Variants in EFCAB6 observed in about 807,000 individuals in gnomAD.
The protein encoded by EFCAB6 is EF-hand calcium binding domain 6, also known as EF-hand calcium-binding domain-containing protein 6.
A neutral mutation model predicts 169.8 loss-of-function variants in EFCAB6; 156 were observed. The observed-to-expected ratio is 0.92, with a 90% CI of 0.81 to 1.05. The LOEUF (loss-of-function observed/expected upper bound fraction) is 1.05. Ranked by LOEUF, EFCAB6 falls within the 50% of genes least tolerant of loss-of-function variation. EFCAB6 has a pLI of 0.00. For synonymous variants in EFCAB6, 698 were observed against 676.4 expected (o/e 1.03, Z -0.50); for missense variants, 1,800 against 1,829.1 (o/e 0.98, Z 0.29).
chr22:43,599,147 G>A (rs971818124), intron 23 of EFCAB6, among the ~76,000 whole-genome samples: 4 of 152,100 alleles, frequency 2.6e-5, no homozygotes, highest in Admixed American at 1.3e-4. Flanking sequence ...CACAGTGGCC[G>A]CAGCAGGCAT....
chr22:43,686,131 G>A (rs1190553009), intron 11 of EFCAB6, among the ~76,000 whole-genome samples: 1 of 151,964 alleles, frequency 6.6e-6, no homozygotes, highest in African/African-American at 2.4e-5. Flanking sequence ...ACAGGCTTGC[G>A]CCACCACGCC....
At chr22:43,765,432 T>G in intron 4 of EFCAB6, 39 bp from the exon 5 acceptor site, 1 of 1,518,208 alleles carries the variant, frequency 6.6e-7, no homozygotes, top group Non-Finnish European at 9.1e-7. Flanking sequence ...TGTTAGAGAA[T>G]TAAGATCCAA....
At chr22:43,613,193 TAATATATTTGTTATAGA>T (rs1273985626) in intron 21 of EFCAB6, among the ~76,000 whole-genome samples, 1 of 148,090 alleles carries the variant, frequency 6.8e-6, no homozygotes, top group East Asian at 1.9e-4. Flanking sequence ...ACATATATAT[TAATATATTTGTTATAGA>T]AATATATTTG....
At position 43,534,850 on chromosome 22, in the gene EFCAB6, C is replaced by T. The variant is rs758139064; in HGVS notation, c.4071G>A (p.Leu1357=). Residue 1357 remains leucine (L), a synonymous_variant, in exon 30 of 32, where the codon CTG becomes CTA. Coordinates refer to ENST00000262726, the MANE Select transcript of EFCAB6 (RefSeq NM_022785.4). The part of the protein sequence containing the change: ...DFLALVEKFN[L]DISKEECQQL... ...GCTGACACTCCTCTTTGCTTATGTC[C>T]AGGTTGAATTTCTCCACAAGAGCTA... 1.9e-6 allele frequency: 3 copies of T among 1,603,838 alleles called. No homozygotes were observed. The South Asian group carries it at 3.4e-5, about 18-fold the overall frequency.
Position 43,567,117 on chromosome 22 carries a change from C to T in EFCAB6, c.3420+9180G>A, listed in dbSNP as rs549565393. Among the ~76,000 whole-genome samples, 139 of 133,014 alleles carry T rather than the reference C, an allele frequency of 1.0e-3. 1 individual carries two copies. Among genetic ancestry groups the T allele is most frequent in the Non-Finnish European group, 2.0e-3 (119 of 60,180 alleles). 87.3% of individuals were successfully genotyped at this position (133,014 alleles called of 152,430 possible). On this transcript the variant is annotated intron_variant, in intron 26 of 31. Coordinates refer to ENST00000262726, the MANE Select transcript of EFCAB6 (RefSeq NM_022785.4). ...CTCAGAGTTAGGTCATCCTCCTCCT[C>T]ATCATCCTCCTCGTCCTCCTCATCA...
chr22:43,565,818 C>T (rs915773014), intron 26 of EFCAB6, among the ~76,000 whole-genome samples: 1 of 151,884 alleles, frequency 6.6e-6, no homozygotes, highest in South Asian at 2.1e-4. Context: ...GCAAAAACTC[C>T]TAATTAGAAA....
chr22:43,685,882 T>C (rs1345120435), intron 11 of EFCAB6, among the ~76,000 whole-genome samples: 4 of 152,246 alleles, frequency 2.6e-5, no homozygotes, highest in Non-Finnish European at 1.5e-5. Context: ...ATGTGTCATT[T>C]TTGCCTATTT....
At position 43,581,813 on chromosome 22, in the gene EFCAB6, C is replaced by T. The variant is rs566910800; in HGVS notation, c.3033-1154G>A. On this transcript the variant is annotated intron_variant, in intron 24 of 31. Coordinates refer to ENST00000262726, the MANE Select transcript of EFCAB6 (RefSeq NM_022785.4). Reference sequence around the variant, plus strand: ...TTGCACAGGCTCTGCGTCGGGTCGGCTTGCATGATGGAGACACCAAGGAAA... The same window carrying T: ...TTGCACAGGCTCTGCGTCGGGTCGGTTTGCATGATGGAGACACCAAGGAAA... Among the ~76,000 whole-genome samples, 3 of 152,316 alleles carry T rather than the reference C, an allele frequency of 2.0e-5. No homozygotes were observed. The East Asian group carries it at 5.8e-4, about 29-fold the overall frequency.
chr22:43,745,316 C>A (rs1355312161), intron 6 of EFCAB6, among the ~76,000 whole-genome samples: 1 of 152,206 alleles, frequency 6.6e-6, no homozygotes, highest in Non-Finnish European at 1.5e-5. Context: ...GAAAACAATC[C>A]CTCTGGAGGC....
chr22:43,704,555 A>G lies in EFCAB6; in HGVS notation c.1031+6920T>C, dbSNP rs535730611. On this transcript the variant is annotated intron_variant, in intron 10 of 31. Coordinates refer to ENST00000262726, the MANE Select transcript of EFCAB6 (RefSeq NM_022785.4). ...GAATTTAAAAGACAGAACTATTAAT[A>G]ACAACTATAATTAGAATAAATTGTC... Among the ~76,000 whole-genome samples the G allele has an allele frequency of 3.3e-5, 5 of 152,350 alleles. No individual in the cohort carries two copies. In the South Asian group the frequency reaches 8.3e-4, roughly 25 times the overall value.
intron 7 of EFCAB6, among the ~76,000 whole-genome samples, chr22:43,735,187 T>C (rs1209303945): frequency 3.9e-5 from 6 of 152,080 alleles, no homozygotes; most frequent in Non-Finnish European, 8.8e-5. Context: ...GTGGAGTTTA[T>C]AGGAGGCTCA....
intron 10 of EFCAB6, among the ~76,000 whole-genome samples, chr22:43,710,781 T>TCC (rs58498665): frequency 1.3e-5 from 2 of 151,912 alleles, no homozygotes; most frequent in African/African-American, 4.8e-5. Flanking sequence ...AGTATTTTTG[T>TCC]CCCCCCCACT....
chr22:43,732,465 C>CTTTT (rs5845617), intron 7 of EFCAB6, among the ~76,000 whole-genome samples: 5 of 119,208 alleles, frequency 4.2e-5, no homozygotes, highest in African/African-American at 6.5e-5. Context: ...TACTGAAATA[C>CTTTT]TTTTTTTTTT....
At chr22:43,690,908 T>C (rs2058390277) in intron 10 of EFCAB6, among the ~76,000 whole-genome samples, 1 of 152,036 alleles carries the variant, frequency 6.6e-6, no homozygotes, top group Non-Finnish European at 1.5e-5. Context: ...CCAGTGCTGT[T>C]TTCCCTATTA....
chr22:43,623,473 T>C (rs2054247520), intron 20 of EFCAB6, among the ~76,000 whole-genome samples: 1 of 151,766 alleles, frequency 6.6e-6, no homozygotes, highest in African/African-American at 2.4e-5. Flanking sequence ...AACAAGAGAG[T>C]GTCCTCTTTT....
intron 2 of EFCAB6, among the ~76,000 whole-genome samples, chr22:43,788,033 A>C (rs9968041): frequency 0.15 from 23,534 of 152,140 alleles, 1,873 homozygotes; most frequent in South Asian, 0.22. Flanking sequence ...GAACAGCGCC[A>C]AAGAGTGAAG....
At chr22:43,574,303 A>C (rs1035368906) in intron 26 of EFCAB6, among the ~76,000 whole-genome samples, 1 of 152,164 alleles carries the variant, frequency 6.6e-6, no homozygotes, top group African/African-American at 2.4e-5. Context: ...CATGTAAAAA[A>C]ATGCGTTAGA....
chr22:43,651,794 G>A lies in EFCAB6; in HGVS notation c.1983+15310C>T, dbSNP rs2056481999. On this transcript the variant is annotated intron_variant, in intron 17 of 31. Transcript: ENST00000262726. ...GGATGTGAGACATGGAGTCAAAGGA[G>A]ATCATTTTAGAGCTTTAAGATTTGA... 2.0e-5 allele frequency among the ~76,000 whole-genome samples: 3 copies of A among 152,322 alleles called. No individual in the cohort carries two copies. The South Asian group carries it at 6.2e-4, about 32-fold the overall frequency.
At chr22:43,658,612 G>C (rs1158693869) in intron 17 of EFCAB6, among the ~76,000 whole-genome samples, 11 of 152,212 alleles carry the variant, frequency 7.2e-5, no homozygotes, top group Admixed American at 6.5e-5. Flanking sequence ...GAGAGCCCTA[G>C]AGGAGGGGTC....
Sources: gnomAD v4.1 joint callset for allele counts (sites outside exome capture counted in the v4.1 genomes callset) on GRCh38, gnomAD v4.1.1 for gene constraint, MANE v1.5 for transcripts, NCBI Gene and HGNC (gene_info 2026-07-23, HGNC 2026-07-21) for gene names.